Variants in U2AF2 observed in about 807,000 individuals in gnomAD.
The protein encoded by U2AF2 is splicing factor U2AF 65 kDa subunit.
In U2AF2, 6 loss-of-function variants were observed where a neutral mutation model predicts 52.6. That is an observed-to-expected ratio of 0.11 (90% CI 0.06 to 0.23). The LOEUF is 0.23. Among genes scored for constraint, U2AF2 ranks in the 10% least tolerant of loss-of-function variants. U2AF2 has a pLI of 1.00. For synonymous variants in U2AF2, 284 were observed against 258.2 expected, an observed-to-expected ratio of 1.10 and a Z score of -0.96; for missense variants, 222 against 677.1, an observed-to-expected ratio of 0.33 and a Z score of 7.46.
intron 7 of U2AF2, among the ~76,000 whole-genome samples, chr19:55,666,399 C>T (rs1160205315): frequency 6.6e-6 from 1 of 152,220 alleles, no homozygotes; most frequent in Non-Finnish European, 1.5e-5. Context: ...GGCTTGTCCT[C>T]AGTGATGAGT....
At chr19:55,655,208 T>A in intron 1 of U2AF2, 55 bp downstream of exon 1, 2 of 1,541,708 alleles carry the variant, frequency 1.3e-6, no homozygotes, top group Admixed American at 1.9e-5. Context: ...GCGTCGCTCT[T>A]TGCCCCCCCG....
At chr19:55,669,996 G>T (rs1315856262) in intron 11 of U2AF2, among the ~76,000 whole-genome samples, 1 of 152,158 alleles carries the variant, frequency 6.6e-6, no homozygotes, top group Non-Finnish European at 1.5e-5. Context: ...ACTTGGCCCT[G>T]CTCCCCCTTA....
At chr19:55,659,809 A>C (rs1461880490) in intron 2 of U2AF2, among the ~76,000 whole-genome samples, 6 of 151,814 alleles carry the variant, frequency 4.0e-5, no homozygotes, top group Admixed American at 3.3e-4. Context: ...GCCTGGGCTG[A>C]CTTTTTGGCC....
intron 4 of U2AF2, 86 bp downstream of exon 4, chr19:55,660,705 G>C (rs1984127978): frequency 6.0e-6 from 8 of 1,327,138 alleles, no homozygotes; most frequent in Non-Finnish European, 8.4e-6. Context: ...TGTGTGCTTG[G>C]AGGGGGTCAA....
chr19:55,655,264 C>T (rs566987729), intron 1 of U2AF2, 111 bp downstream of exon 1: 2 of 1,227,878 alleles, frequency 1.6e-6, no homozygotes, highest in Non-Finnish European at 2.3e-6. Context: ...GCGCGGCGCC[C>T]CCCAACCCTG....
At chr19:55,658,571 C>T (rs559748491) in intron 1 of U2AF2, among the ~76,000 whole-genome samples, 1 of 152,236 alleles carries the variant, frequency 6.6e-6, no homozygotes, top group African/African-American at 2.4e-5. Flanking sequence ...CTGGATGGGG[C>T]AAGCTCCTCC....
At chr19:55,665,206 G>T (rs1984471393) in intron 7 of U2AF2, among the ~76,000 whole-genome samples, 1 of 152,242 alleles carries the variant, frequency 6.6e-6, no homozygotes, top group South Asian at 2.1e-4. Flanking sequence ...TAAGTCCCAT[G>T]AGTGGCCCGC....
At position 55,655,129 on chromosome 19, in the gene U2AF2, C is replaced by T; in HGVS notation, c.25C>T (p.Arg9Trp). 6.2e-7 allele frequency: 1 copy of T among 1,605,142 alleles called. No homozygotes were observed. The highest frequency in any genetic ancestry group is 1.4e-5 in the African/African-American group (1 of 73,070). Reference protein sequence around the residue: MSDFDEFERQLNENKQERD... With the variant: MSDFDEFEWQLNENKQERD... ...CATGTCGGACTTCGACGAGTTCGAG[C>T]GGCAGCTCAACGAGAATAAACAAGG... The change falls in exon 1 of 12, where the codon CGG (arginine) becomes TGG (tryptophan). Residue 9 changes from arginine to tryptophan, a missense_variant. By Grantham distance (101) the Arg-to-Trp change is moderately radical. Around this residue, in one of 4 missense-constraint regions of U2AF2, gnomAD observed 100 missense variants for 144.1 expected, o/e 0.69. Transcript: ENST00000308924.
At chr19:55,659,028 CCT>C (rs1249499469) in intron 1 of U2AF2, 180 bp from the exon 2 acceptor site, 8 of 979,822 alleles carry the variant, frequency 8.2e-6, no homozygotes, top group Non-Finnish European at 9.5e-6. Context: ...CCCCTGGTCC[CCT>C]CATGGTCCCT....
intron 11 of U2AF2, 111 bp downstream of exon 11, chr19:55,669,803 G>A (rs1430451665): frequency 2.4e-5 from 34 of 1,419,444 alleles, no homozygotes; most frequent in South Asian, 8.8e-5. Flanking sequence ...TTCTCCGCGC[G>A]CTCTTTCTTC....
chr19:55,666,437 C>T (rs920544408), intron 7 of U2AF2, among the ~76,000 whole-genome samples: 3 of 152,334 alleles, frequency 2.0e-5, no homozygotes, highest in East Asian at 1.9e-4. Context: ...CGAGAAGATT[C>T]CTTTGAAGTT....
rs1984676768 is a variant in U2AF2, at chr19:55,668,415, T to C, written c.743-92T>C. On this transcript the variant is annotated intron_variant, in intron 7 of 11. Coordinates refer to ENST00000308924, the MANE Select transcript of U2AF2 (RefSeq NM_007279.3). The surrounding 1 kb of genome is among the most constrained non-coding windows in gnomAD (Gnocchi z 5.5). Reference sequence around the variant, plus strand: ...TCGTCAGATCAGGCAGGAAGTGTTCTCTTTGGCAATTGAGGAGCTCGCCGT... The same window carrying C: ...TCGTCAGATCAGGCAGGAAGTGTTCCCTTTGGCAATTGAGGAGCTCGCCGT... 1 of 1,289,640 alleles carries C rather than the reference T, an allele frequency of 7.8e-7. No individual in the cohort carries two copies. Among genetic ancestry groups the C allele is most frequent in the Non-Finnish European group, 1.1e-6 (1 of 938,668 alleles). 79.9% of individuals were successfully genotyped at this position (1,289,640 alleles called of 1,614,324 possible).
rs1002645593 is a variant in U2AF2, at chr19:55,656,141, T to C, written c.49+988T>C. Among the ~76,000 whole-genome samples the C allele has an allele frequency of 4.6e-5, 7 of 152,166 alleles. 1 individual carries two copies. The highest frequency in any genetic ancestry group is 3.3e-4 in the Admixed American group (5 of 15,274). ...CCTGATCTTAGGGATTCCAATAATA[T>C]TAGAAGTGGGAGAGTTGTTAAGACG... On this transcript the variant is annotated intron_variant, in intron 1 of 11. Transcript: ENST00000308924.
In U2AF2 at chr19:55,669,482, G is replaced by A. The variant is rs1410952076; in HGVS notation, c.1083G>A (p.Pro361=). ...AGACGCCTGTGACCCTGCAAGTGCC[G>A]GGCTTGATGAGCTCCCAGGTGCAGA... The part of the protein sequence containing the change: ...INQTPVTLQV[P]GLMSSQVQMG... The change falls in exon 11 of 12, where the codon CCG becomes CCA. Residue 361 remains proline (P), a synonymous_variant. Transcript: ENST00000308924. 7.4e-6 allele frequency: 12 copies of A among 1,613,032 alleles called. No individual in the cohort carries two copies. Among genetic ancestry groups the A allele is most frequent in the East Asian group, 2.2e-5 (1 of 44,886 alleles).
At chr19:55,661,477 G>C (rs1000722436) in intron 5 of U2AF2, among the ~76,000 whole-genome samples, 1 of 143,788 alleles carries the variant, frequency 7.0e-6, no homozygotes, top group African/African-American at 2.6e-5. Context: ...ACGTGTCGGA[G>C]AGAGACAGAG....
intron 11 of U2AF2, among the ~76,000 whole-genome samples, chr19:55,669,931 C>T (rs1475675454): frequency 1.3e-5 from 2 of 152,176 alleles, no homozygotes; most frequent in African/African-American, 2.4e-5. Context: ...CTGTGGGGGC[C>T]CAAGACCTGC....
intron 2 of U2AF2, 86 bp downstream of exon 2, chr19:55,659,431 T>G (rs1984015240): frequency 2.2e-6 from 3 of 1,377,366 alleles, no homozygotes; most frequent in Admixed American, 3.3e-5. Context: ...TGTGTGTCTG[T>G]GTCTGGGTCC....
rs59262812 is a variant in U2AF2 at position 55,661,499 on chromosome 19, G to GACAC, written c.486+350_486+353dup. ...GGAGAGAGACAGAGAGGGAGACTTG[G>GACAC]ACACACACACACACACACACACACA... On this transcript the variant is annotated intron_variant, in intron 5 of 11. Coordinates refer to ENST00000308924, the MANE Select transcript of U2AF2 (RefSeq NM_007279.3). Among the ~76,000 whole-genome samples, 1,314 of 145,164 alleles carry GACAC rather than the reference G, an allele frequency of 9.1e-3. 9 individuals are homozygous for GACAC. Among genetic ancestry groups the GACAC allele is most frequent in the East Asian group, 0.014 (68 of 4,728 alleles).
At chr19:55,667,375 T>G (rs1984611091) in intron 7 of U2AF2, among the ~76,000 whole-genome samples, 1 of 152,152 alleles carries the variant, frequency 6.6e-6, no homozygotes, top group African/African-American at 2.4e-5. Context: ...GCCTAGGTTT[T>G]GAACTTGGGA....
Sources: gnomAD v4.1 joint callset for allele counts (sites outside exome capture counted in the v4.1 genomes callset) on GRCh38, gnomAD v4.1.1 for gene constraint, gnomAD v4.1.1 regional missense constraint, Gnocchi (gnomAD v3.1) non-coding constraint, MANE v1.5 for transcripts, NCBI Gene and HGNC (gene_info 2026-07-23, HGNC 2026-07-21) for gene names.